SAMD4A: variants seen among roughly 807,000 people sequenced by gnomAD.
The protein encoded by SAMD4A is sterile alpha motif domain containing 4A.
In SAMD4A, 33 loss-of-function variants were observed where a neutral mutation model predicts 81.3. The observed-to-expected ratio is 0.41, with a 90% CI of 0.31 to 0.54. SAMD4A has a LOEUF of 0.54. Ranked by LOEUF, SAMD4A falls within the 20% of genes least tolerant of loss-of-function variation. SAMD4A has a pLI of 0.37. For missense variants in SAMD4A, 854 were observed against 951.1 expected (o/e 0.90, Z 1.34); for synonymous variants, 389 against 382.1 (o/e 1.02, Z -0.21).
At chr14:54,714,776 G>C (rs1459239889) in intron 3 of SAMD4A, among the ~76,000 whole-genome samples, 1 of 152,108 alleles carries the variant, frequency 6.6e-6, no homozygotes, top group African/African-American at 2.4e-5. Flanking sequence ...TCTTCCACAA[G>C]CCCAGCCTCT....
intron 6 of SAMD4A, among the ~76,000 whole-genome samples, chr14:54,753,391 T>C (rs1183703606): frequency 2.7e-4 from 39 of 144,590 alleles, no homozygotes; most frequent in South Asian, 6.4e-4. Flanking sequence ...ACAAGGCACG[T>C]CCTGCACAGC....
At chr14:54,588,513 A>G (rs1462207306) in intron 2 of SAMD4A, among the ~76,000 whole-genome samples, 1 of 152,042 alleles carries the variant, frequency 6.6e-6, no homozygotes, top group Non-Finnish European at 1.5e-5. Flanking sequence ...TTTTTGATGT[A>G]GGCATTTAAT....
At chr14:54,624,066 C>G (rs1254876627) in intron 2 of SAMD4A, among the ~76,000 whole-genome samples, 2 of 152,178 alleles carry the variant, frequency 1.3e-5, no homozygotes, top group Non-Finnish European at 2.9e-5. Flanking sequence ...AACTCCGCCT[C>G]CCGGGTTCTA....
At chr14:54,783,497 G>A (rs1414915551) in intron 11 of SAMD4A, among the ~76,000 whole-genome samples, 3 of 152,244 alleles carry the variant, frequency 2.0e-5, no homozygotes, top group East Asian at 1.9e-4. Flanking sequence ...CCAGGTGGTA[G>A]AGGGGAGATT....
At chr14:54,636,560 G>T (rs891377041) in intron 2 of SAMD4A, among the ~76,000 whole-genome samples, 3 of 152,232 alleles carry the variant, frequency 2.0e-5, no homozygotes, top group African/African-American at 7.2e-5. Context: ...AGGAAGACCT[G>T]TTGGAAGGCT....
intron 2 of SAMD4A, among the ~76,000 whole-genome samples, chr14:54,614,618 A>G (rs2034446963): frequency 6.6e-6 from 1 of 152,228 alleles, no homozygotes; most frequent in South Asian, 2.1e-4. Context: ...AGAAACATTT[A>G]AATACTATCT....
At chr14:54,747,168 G>T (rs906393249) in intron 4 of SAMD4A, among the ~76,000 whole-genome samples, 6 of 152,336 alleles carry the variant, frequency 3.9e-5, no homozygotes, top group African/African-American at 1.4e-4. Context: ...AGGGACTCTT[G>T]CTTGTCATAG....
intron 2 of SAMD4A, among the ~76,000 whole-genome samples, chr14:54,624,528 A>G (rs983379687): frequency 6.6e-6 from 1 of 152,228 alleles, no homozygotes; most frequent in Non-Finnish European, 1.5e-5. Context: ...TTTCAGCAAC[A>G]ACCAATTTAA....
At chr14:54,639,340 G>A (rs1050622970) in intron 2 of SAMD4A, among the ~76,000 whole-genome samples, 5 of 152,228 alleles carry the variant, frequency 3.3e-5, no homozygotes, top group Non-Finnish European at 5.9e-5. Context: ...AAACATGGTG[G>A]CTGAGCCTGG....
chr14:54,567,826 C>A lies in SAMD4A; in HGVS notation c.-91C>A. On this transcript the variant is annotated 5_prime_UTR_variant, in exon 2 of 13. Coordinates refer to ENST00000554335, the MANE Select transcript of SAMD4A (RefSeq NM_015589.6). The stretch of plus-strand genomic sequence containing the variant: ...CCTTGGAACAGGAACGCGTCTCCGG[C>A]CGCGGGGCTGCGGCTCCGCCAAACT... The A allele has an allele frequency of 7.0e-7, 1 of 1,426,308 alleles. No homozygotes were observed. 88.4% of individuals were successfully genotyped at this position (1,426,308 alleles called of 1,614,324 possible).
At chr14:54,604,894 G>C (rs1594722226) in intron 2 of SAMD4A, among the ~76,000 whole-genome samples, 1 of 152,170 alleles carries the variant, frequency 6.6e-6, no homozygotes, top group African/African-American at 2.4e-5. Context: ...CTGTTAATGT[G>C]CATTTCTAGA....
At chr14:54,604,568 T>C (rs970196017) in intron 2 of SAMD4A, among the ~76,000 whole-genome samples, 4 of 152,224 alleles carry the variant, frequency 2.6e-5, no homozygotes, top group African/African-American at 9.6e-5. Flanking sequence ...TGGGACGTCG[T>C]TGGAAAACCA....
chr14:54,588,550 T>C (rs1441306968), intron 2 of SAMD4A, among the ~76,000 whole-genome samples: 2 of 152,154 alleles, frequency 1.3e-5, no homozygotes, highest in East Asian at 1.9e-4. Context: ...TTCTGAAAGA[T>C]TGGGCCAATG....
intron 3 of SAMD4A, chr14:54,703,353 C>T (rs1443468248): frequency 6.6e-6 from 1 of 152,200 alleles, no homozygotes; most frequent in Non-Finnish European, 1.5e-5. Flanking sequence ...TGTGTCTCCC[C>T]ACTGAGGCTG....
At chr14:54,631,577 G>A (rs542957976) in intron 2 of SAMD4A, among the ~76,000 whole-genome samples, 36 of 152,292 alleles carry the variant, frequency 2.4e-4, no homozygotes, top group African/African-American at 8.7e-4. Context: ...TAGGGCAGAT[G>A]TTTCCCTTAG....
At position 54,702,592 on chromosome 14, in the gene SAMD4A, G is replaced by A. The variant is rs758096076; in HGVS notation, c.715+12G>A. On this transcript the variant is annotated intron_variant, in intron 3 of 12. Transcript: ENST00000554335. Reference sequence around the variant, plus strand: ...CAGCACAAGTACAAGTAAGTTCCCCGGAATCCCTTTAACGTAGTCTGGTTT... The same window carrying A: ...CAGCACAAGTACAAGTAAGTTCCCCAGAATCCCTTTAACGTAGTCTGGTTT... 5.0e-6 allele frequency: 8 copies of A among 1,612,796 alleles called. No individual in the cohort carries two copies. Among genetic ancestry groups the A allele is most frequent in the East Asian group, 4.5e-5 (2 of 44,880 alleles).
rs1221210640 is a variant in SAMD4A at position 54,789,720 on chromosome 14, T to C, written c.*776T>C. The C allele has an allele frequency of 6.6e-6, 1 of 152,266 alleles. No individual in the cohort carries two copies. Among genetic ancestry groups the C allele is most frequent in the Non-Finnish European group, 1.5e-5 (1 of 68,046 alleles). The allele number at this position is 152,266 out of a possible 1,614,324, so 9.4% of individuals were successfully genotyped here. A position where few individuals can be genotyped will look rare whatever the true frequency, so the allele number is the denominator to read the frequency against. On this transcript the variant is annotated 3_prime_UTR_variant, in exon 13 of 13. Coordinates refer to ENST00000554335, the MANE Select transcript of SAMD4A (RefSeq NM_015589.6). ...TCTTCTCAAAACGGCTGCCAAGCTC[T>C]GCTTCTTGGGAAGATGGATGCAGTC...
At chr14:54,645,480 T>C (rs2035267565) in intron 2 of SAMD4A, among the ~76,000 whole-genome samples, 1 of 152,246 alleles carries the variant, frequency 6.6e-6, no homozygotes, top group African/African-American at 2.4e-5. Context: ...TTATCTTAAT[T>C]ACAAAAATAT....
chr14:54,656,085 A>G (rs919648439), intron 2 of SAMD4A, among the ~76,000 whole-genome samples: 2 of 152,210 alleles, frequency 1.3e-5, no homozygotes, highest in Admixed American at 6.5e-5. Context: ...TAATATTACC[A>G]AGGAAGCTAG....
Sources: gnomAD v4.1 joint callset for allele counts (sites outside exome capture counted in the v4.1 genomes callset) on GRCh38, gnomAD v4.1.1 for gene constraint, MANE v1.5 for transcripts, NCBI Gene and HGNC (gene_info 2026-07-23, HGNC 2026-07-21) for gene names.